Variants in PROB1 observed in about 807,000 individuals in gnomAD.
The protein encoded by PROB1 is proline rich basic protein 1, also known as proline-rich basic protein 1.
For missense variants in PROB1, 1,453 were observed against 1,485.7 expected (o/e 0.98, Z 0.36); for synonymous variants, 660 against 699.3 (o/e 0.94, Z 0.89).
In PROB1 at chr5:139,392,470, C is replaced by G; in HGVS notation, c.2612G>C (p.Arg871Pro). ...CAGGGGCGCGGCCCCGGGCTGCCTG[C>G]GCGCTCCCTGGGAGGGGCTTTGCGG... ...RSPQSPSQGA[R>P]RQPGAAPLGK... The change falls in exon 1 of 1, where the codon CGC becomes CCC. Residue 871 changes from arginine to proline, a missense_variant. Physicochemically the swap from Arg to Pro is moderately radical, Grantham distance 103 (BLOSUM62 -2). Coordinates refer to ENST00000434752, the MANE Select transcript of PROB1 (RefSeq NM_001161546.2). The surrounding 1 kb of genome is among the most constrained non-coding windows in gnomAD (Gnocchi z 5.8). 7.2e-7 allele frequency: 1 copy of G among 1,390,864 alleles called. No homozygotes were observed. The highest frequency in any genetic ancestry group is 1.5e-5 in the African/African-American group (1 of 65,956). 86.2% of individuals were successfully genotyped at this position (1,390,864 alleles called of 1,614,324 possible).
chr5:139,392,357 C>T lies in PROB1; in HGVS notation c.2725G>A (p.Glu909Lys). 6.5e-7 allele frequency: 1 copy of T among 1,530,358 alleles called. No homozygotes were observed. Among genetic ancestry groups the T allele is most frequent in the Middle Eastern group, 1.7e-4 (1 of 5,930 alleles). The allele number at this position is 1,530,358 out of a possible 1,614,324, so 94.8% of individuals were successfully genotyped here. Reference sequence around the variant, plus strand: ...AACACCTCCACGTACTGCCCACTCTCAGGGTCGAAGAGCACCCGCAGCCGA... The same window carrying T: ...AACACCTCCACGTACTGCCCACTCTTAGGGTCGAAGAGCACCCGCAGCCGA... ...QPRLRVLFDP[E>K]SGQYVEVLLP... is the part of the protein sequence containing the mutation. Residue 909 changes from glutamate to lysine, a missense_variant, in exon 1 of 1, where the codon GAG becomes AAG. Glu to Lys is a moderately conservative substitution (Grantham distance 56). Transcript: ENST00000434752. The surrounding 1 kb of genome is among the most constrained non-coding windows in gnomAD (Gnocchi z 5.8).
chr5:139,393,295 CCCACAGGGTGG>C lies in PROB1; in HGVS notation c.1776_1786del (p.Ser592ArgfsTer7). On this transcript the variant is annotated frameshift_variant, in exon 1 of 1. Transcript: ENST00000434752. LOFTEE classifies it low-confidence loss of function (END_TRUNC). ...CGGGCACTTATCCGCGTCCAGGGTG[CCCACAGGGTGG>C]CTGCCGGGCGGCTCGGGTGCTGCTA... 6.5e-7 allele frequency: 1 copy of C among 1,550,330 alleles called. No homozygotes were observed. The highest frequency in any genetic ancestry group is 8.7e-7 in the Non-Finnish European group (1 of 1,146,964).
chr5:139,394,955 G>C lies in PROB1; in HGVS notation c.127C>G (p.Pro43Ala), dbSNP rs528525057. Residue 43 changes from proline (P) to alanine (A), a missense_variant, in exon 1 of 1, where the codon CCC becomes GCC. By Grantham distance (27) the Pro-to-Ala change is conservative (BLOSUM62 -1). Transcript: ENST00000434752. ...SYYTAPGSPE[P>A]PDVGPDAKGP... ...TTCGCGTCCGGCCCAACGTCCGGGGGCTCCGGAGAACCTGGAGCCGTGTAG... is the reference window on the plus strand; with the variant it reads ...TTCGCGTCCGGCCCAACGTCCGGGGCCTCCGGAGAACCTGGAGCCGTGTAG... 2,783 of 1,521,576 alleles carry C rather than the reference G, an allele frequency of 1.8e-3. 49 individuals carry two copies. In the African/African-American group the frequency reaches 0.034, roughly 19 times the overall value. The allele number at this position is 1,521,576 out of a possible 1,614,324, so 94.3% of individuals were successfully genotyped here. A position where few individuals can be genotyped will look rare whatever the true frequency, so the allele number is the denominator to read the frequency against.
In PROB1 at chr5:139,394,389, G is replaced by C. The variant is rs1446280634; in HGVS notation, c.693C>G (p.Leu231=). The C allele has an allele frequency of 1.4e-6, 2 of 1,396,448 alleles. No individual in the cohort carries two copies. Among genetic ancestry groups the C allele is most frequent in the Non-Finnish European group, 1.8e-6 (2 of 1,083,866 alleles). 86.5% of individuals were successfully genotyped at this position (1,396,448 alleles called of 1,614,324 possible). ...RAAGAPRPRL[L]LRTGSLDESL... is the part of the protein sequence containing the mutation. ...ACTCGTCCAGGGAACCGGTGCGCAG[G>C]AGCAGCCGGGGGCGCGGCGCGCCGG... Residue 231 remains leucine (L), a synonymous_variant, in exon 1 of 1, where the codon CTC becomes CTG. Transcript: ENST00000434752.
rs1445759023 is a variant in PROB1 at position 139,392,800 on chromosome 5, C to A, written c.2282G>T (p.Arg761Met). 6.7e-6 allele frequency: 10 copies of A among 1,490,806 alleles called. No individual in the cohort carries two copies. The highest frequency in any genetic ancestry group is 6.6e-5 in the South Asian group (5 of 75,730). The allele number at this position is 1,490,806 out of a possible 1,614,324, so 92.3% of individuals were successfully genotyped here. A position where few individuals can be genotyped will look rare whatever the true frequency, so the allele number is the denominator to read the frequency against. ...VRARGPGGEN[R>M]DVEAQRLVPD... ...GACCAGGCGCTGGGCCTCTACATCC[C>A]TGTTCTCTCCTCCAGGGCCGCGCGC... Residue 761 changes from arginine to methionine, a missense_variant, in exon 1 of 1, where the codon AGG becomes ATG. Arg to Met is a moderately conservative substitution (Grantham distance 91, BLOSUM62 -1). Coordinates refer to ENST00000434752, the MANE Select transcript of PROB1 (RefSeq NM_001161546.2). The surrounding 1 kb of genome is among the most constrained non-coding windows in gnomAD (Gnocchi z 5.8).
rs1302794423 is a variant in PROB1, at chr5:139,394,023, C to A, written c.1059G>T (p.Ala353=). The change falls in exon 1 of 1, where the codon GCG becomes GCT. Residue 353 remains alanine (A), a synonymous_variant. Coordinates refer to ENST00000434752, the MANE Select transcript of PROB1 (RefSeq NM_001161546.2). ...FLQSEEKIQE[A]RKTRFPREAP... The stretch of plus-strand genomic sequence containing the variant: ...CCTCTCGCGGGAACCGAGTCTTCCG[C>A]GCCTCCTGGATCTTCTCCTCTGACT... 6.4e-7 allele frequency: 1 copy of A among 1,550,704 alleles called. No homozygotes were observed. The highest frequency in any genetic ancestry group is 8.7e-7 in the Non-Finnish European group (1 of 1,147,006).
chr5:139,394,771 C>G lies in PROB1; in HGVS notation c.311G>C (p.Arg104Pro), dbSNP rs1335757073. The G allele has an allele frequency of 2.0e-6, 3 of 1,531,844 alleles. No individual in the cohort carries two copies. Among genetic ancestry groups the G allele is most frequent in the East Asian group, 5.1e-5 (2 of 39,602 alleles). 94.9% of individuals were successfully genotyped at this position (1,531,844 alleles called of 1,614,324 possible). Residue 104 changes from arginine to proline, a missense_variant, in exon 1 of 1, where the codon CGC (arginine) becomes CCC (proline). Coordinates refer to ENST00000434752, the MANE Select transcript of PROB1 (RefSeq NM_001161546.2). ...TTCCATCTCCCCCGACGGCAGCGTG[C>G]GCAGCTGGGGCTGGGGTGGCCGTGG... ...SGPRPPQPQL[R>P]TLPSGEMEVI...
Position 139,391,931 on chromosome 5 carries a change from G to T in PROB1, c.*103C>A. 1.1e-6 allele frequency: 1 copy of T among 934,852 alleles called. No individual in the cohort carries two copies. The highest frequency in any genetic ancestry group is 1.4e-6 in the Non-Finnish European group (1 of 703,090). The allele number at this position is 934,852 out of a possible 1,614,324, so 57.9% of individuals were successfully genotyped here. On this transcript the variant is annotated 3_prime_UTR_variant, in exon 1 of 1. Transcript: ENST00000434752. This position sits in a 1 kb window ranked among gnomAD's most constrained non-coding sequence, Gnocchi z 4.8. ...TCCTGTCCGACGACTGACTGGGATGGGTTAAAGACAGAGGCGACGGAAGGA... is the reference window on the plus strand; with the variant it reads ...TCCTGTCCGACGACTGACTGGGATGTGTTAAAGACAGAGGCGACGGAAGGA...
chr5:139,394,229 C>G lies in PROB1; in HGVS notation c.853G>C (p.Ala285Pro). The G allele has an allele frequency of 6.5e-7, 1 of 1,548,678 alleles. No individual in the cohort carries two copies. The highest frequency in any genetic ancestry group is 8.7e-7 in the Non-Finnish European group (1 of 1,145,488). Residue 285 changes from alanine to proline, a missense_variant, in exon 1 of 1, where the codon GCC (alanine) becomes CCC (proline). Transcript: ENST00000434752. Reference sequence around the variant, plus strand: ...TCCAGGACCACGTGGGTGCTGCGGGCCGTTTCCCGGGTCTCAGGTTCCGAC... The same window carrying G: ...TCCAGGACCACGTGGGTGCTGCGGGGCGTTTCCCGGGTCTCAGGTTCCGAC... ...GRSEPETRET[A>P]RSTHVVLEKA...
Position 139,392,939 on chromosome 5 carries a change from C to G in PROB1, c.2143G>C (p.Val715Leu). ...VARDASQPNGVLRRRAENSTA... is the reference protein window; with the variant it reads ...VARDASQPNGLLRRRAENSTA... ...CTGTTCTCTGCCCTCCGCCGCAGGACCCCGTTGGGCTGTGAGGCGTCCCGG... is the reference window on the plus strand; with the variant it reads ...CTGTTCTCTGCCCTCCGCCGCAGGAGCCCGTTGGGCTGTGAGGCGTCCCGG... The change falls in exon 1 of 1, where the codon GTC (valine) becomes CTC (leucine). Residue 715 changes from valine to leucine, a missense_variant. Transcript: ENST00000434752. This position sits in a 1 kb window ranked among gnomAD's most constrained non-coding sequence, Gnocchi z 5.8. 6.6e-7 allele frequency: 1 copy of G among 1,516,432 alleles called. No homozygotes were observed. The highest frequency in any genetic ancestry group is 8.9e-7 in the Non-Finnish European group (1 of 1,127,760). 93.9% of individuals were successfully genotyped at this position (1,516,432 alleles called of 1,614,324 possible).
Position 139,394,541 on chromosome 5 carries a change from C to T in PROB1, c.541G>A (p.Ala181Thr). 2.7e-6 allele frequency: 4 copies of T among 1,488,204 alleles called. No individual in the cohort carries two copies. The highest frequency in any genetic ancestry group is 3.6e-6 in the Non-Finnish European group (4 of 1,126,592). The allele number at this position is 1,488,204 out of a possible 1,614,324, so 92.2% of individuals were successfully genotyped here. A position where few individuals can be genotyped will look rare whatever the true frequency, so the allele number is the denominator to read the frequency against. Residue 181 changes from alanine to threonine, a missense_variant, in exon 1 of 1, where the codon GCC becomes ACC. Physicochemically the swap from Ala to Thr is moderately conservative, Grantham distance 58 (BLOSUM62 0). Coordinates refer to ENST00000434752, the MANE Select transcript of PROB1 (RefSeq NM_001161546.2). ...ACACACTCGAACTGCGCTGGGGCGGCAGGACTTGGCCCACGGGGCCGCAGC... is the reference window on the plus strand; with the variant it reads ...ACACACTCGAACTGCGCTGGGGCGGTAGGACTTGGCCCACGGGGCCGCAGC... ...LELRPRGPSPAAPAQFECVEV... is the reference protein window; with the variant it reads ...LELRPRGPSPTAPAQFECVEV...
Position 139,392,970 on chromosome 5 carries a change from C to A in PROB1, c.2112G>T (p.Thr704=). 1 of 1,504,540 alleles carries A rather than the reference C, an allele frequency of 6.6e-7. No individual in the cohort carries two copies. Among genetic ancestry groups the A allele is most frequent in the Non-Finnish European group, 8.9e-7 (1 of 1,123,220 alleles). The allele number at this position is 1,504,540 out of a possible 1,614,324, so 93.2% of individuals were successfully genotyped here. A position where few individuals can be genotyped will look rare whatever the true frequency, so the allele number is the denominator to read the frequency against. The stretch of plus-strand genomic sequence containing the variant: ...TGGGCTGTGAGGCGTCCCGGGCGAC[C>A]GTGTCGAAGGACGGTTCAGGAGGCT... ...PYEPPEPSFD[T]VARDASQPNG... Residue 704 remains threonine (T), a synonymous_variant, in exon 1 of 1, where the codon ACG becomes ACT. Coordinates refer to ENST00000434752, the MANE Select transcript of PROB1 (RefSeq NM_001161546.2). The surrounding 1 kb of genome is among the most constrained non-coding windows in gnomAD (Gnocchi z 5.8).
chr5:139,392,874 A>C lies in PROB1; in HGVS notation c.2208T>G (p.Pro736=). 1 of 1,544,392 alleles carries C rather than the reference A, an allele frequency of 6.5e-7. No individual in the cohort carries two copies. Among genetic ancestry groups the C allele is most frequent in the Middle Eastern group, 1.7e-4 (1 of 5,964 alleles). The part of the protein sequence containing the change: ...KPFKRTEIRL[P]GALALGRRPE... ...GCCGGCGACCCAAGGCCAGGGCCCC[A>C]GGCAGGCGGATCTCTGTGCGCTTGA... The change falls in exon 1 of 1, where the codon CCT becomes CCG. Residue 736 remains proline (P), a synonymous_variant. Transcript: ENST00000434752. This position sits in a 1 kb window ranked among gnomAD's most constrained non-coding sequence, Gnocchi z 5.8.
chr5:139,393,614 C>A lies in PROB1; in HGVS notation c.1468G>T (p.Val490Leu). 6.4e-7 allele frequency: 1 copy of A among 1,550,756 alleles called. No homozygotes were observed. The highest frequency in any genetic ancestry group is 8.7e-7 in the Non-Finnish European group (1 of 1,146,888). ...GGGGACGGGCTGCTACGTGGCTCCA[C>A]CGCATCCGCGACTGCCGAATGTGGA... ...EIPHSAVADA[V>L]EPRSSPSPPA... The change falls in exon 1 of 1, where the codon GTG becomes TTG. Residue 490 changes from valine (V) to leucine (L), a missense_variant. By Grantham distance (32) the Val-to-Leu change is conservative (BLOSUM62 1). Coordinates refer to ENST00000434752, the MANE Select transcript of PROB1 (RefSeq NM_001161546.2).
Position 139,392,030 on chromosome 5 carries a change from G to A in PROB1, c.*4C>T, listed in dbSNP as rs906243149. 2.9e-6 allele frequency: 4 copies of A among 1,394,052 alleles called. No individual in the cohort carries two copies. Among genetic ancestry groups the A allele is most frequent in the South Asian group, 1.7e-5 (1 of 60,356 alleles). 86.4% of individuals were successfully genotyped at this position (1,394,052 alleles called of 1,614,324 possible). On this transcript the variant is annotated 3_prime_UTR_variant, in exon 1 of 1. Coordinates refer to ENST00000434752, the MANE Select transcript of PROB1 (RefSeq NM_001161546.2). This position sits in a 1 kb window ranked among gnomAD's most constrained non-coding sequence, Gnocchi z 5.8. Reference sequence around the variant, plus strand: ...TCCAACTCCATGGGGATCGGCCCGGGGCCTCACAGCGGGAACAATGAACCC... The same window carrying A: ...TCCAACTCCATGGGGATCGGCCCGGAGCCTCACAGCGGGAACAATGAACCC...
Position 139,394,166 on chromosome 5 carries a change from A to G in PROB1, c.916T>C (p.Ser306Pro). 1 of 1,546,336 alleles carries G rather than the reference A, an allele frequency of 6.5e-7. No individual in the cohort carries two copies. Among genetic ancestry groups the G allele is most frequent in the African/African-American group, 1.4e-5 (1 of 72,934 alleles). The change falls in exon 1 of 1, where the codon TCG becomes CCG. Residue 306 changes from serine (S) to proline (P), a missense_variant. Physicochemically the swap from Ser to Pro is moderately conservative, Grantham distance 74. Coordinates refer to ENST00000434752, the MANE Select transcript of PROB1 (RefSeq NM_001161546.2). ...KSRPLRVRDNSAPAKAPRPWP... is the reference protein window; with the variant it reads ...KSRPLRVRDNPAPAKAPRPWP... ...GGCCTCGGGGCCTTGGCGGGGGCCG[A>G]ATTATCTCGTACGCGAAGTGGCCGA... is the stretch of plus-strand genomic sequence containing the variant.
rs948293330 is a variant in PROB1 at position 139,392,493 on chromosome 5, C to A, written c.2589G>T (p.Pro863=). The A allele has an allele frequency of 1.5e-6, 2 of 1,360,972 alleles. No homozygotes were observed. The highest frequency in any genetic ancestry group is 1.9e-6 in the Non-Finnish European group (2 of 1,061,528). 84.3% of individuals were successfully genotyped at this position (1,360,972 alleles called of 1,614,324 possible). The change falls in exon 1 of 1, where the codon CCG becomes CCT. Residue 863 remains proline, a synonymous_variant. Transcript: ENST00000434752. This position sits in a 1 kb window ranked among gnomAD's most constrained non-coding sequence, Gnocchi z 5.8. ...AASAPPTDRS[P]QSPSQGARRQ... is the part of the protein sequence containing the mutation. ...TGCGCGCTCCCTGGGAGGGGCTTTG[C>A]GGGGACCGGTCCGTGGGAGGCGCCG...
At position 139,392,857 on chromosome 5, in the gene PROB1, C is replaced by A; in HGVS notation, c.2225G>T (p.Gly742Val). 1 of 1,542,868 alleles carries A rather than the reference C, an allele frequency of 6.5e-7. No homozygotes were observed. Among genetic ancestry groups the A allele is most frequent in the Non-Finnish European group, 8.7e-7 (1 of 1,142,864 alleles). ...EIRLPGALALGRRPEVTSRVR... is the reference protein window; with the variant it reads ...EIRLPGALALVRRPEVTSRVR... ...TCGCGAGGTTACCTCGGGCCGGCGACCCAAGGCCAGGGCCCCAGGCAGGCG... is the reference window on the plus strand; with the variant it reads ...TCGCGAGGTTACCTCGGGCCGGCGAACCAAGGCCAGGGCCCCAGGCAGGCG... Residue 742 changes from glycine (G) to valine (V), a missense_variant, in exon 1 of 1, where the codon GGT (glycine) becomes GTT (valine). Gly to Val is a moderately radical substitution (Grantham distance 109, BLOSUM62 -3). Coordinates refer to ENST00000434752, the MANE Select transcript of PROB1 (RefSeq NM_001161546.2). This position sits in a 1 kb window ranked among gnomAD's most constrained non-coding sequence, Gnocchi z 5.8.
rs1187855726 is a variant in PROB1 at position 139,394,397 on chromosome 5, G to T, written c.685C>A (p.Arg229=). The T allele has an allele frequency of 7.2e-7, 1 of 1,391,640 alleles. No homozygotes were observed. Among genetic ancestry groups the T allele is most frequent in the Non-Finnish European group, 9.2e-7 (1 of 1,081,150 alleles). 86.2% of individuals were successfully genotyped at this position (1,391,640 alleles called of 1,614,324 possible). A position where few individuals can be genotyped will look rare whatever the true frequency, so the allele number is the denominator to read the frequency against. ...PPRAAGAPRP[R]LLLRTGSLDE... is the part of the protein sequence containing the mutation. The stretch of plus-strand genomic sequence containing the variant: ...AGGGAACCGGTGCGCAGGAGCAGCC[G>T]GGGGCGCGGCGCGCCGGCCGCCCTT... Residue 229 remains arginine (R), a synonymous_variant, in exon 1 of 1, where the codon CGG becomes AGG. Transcript: ENST00000434752.
Sources: gnomAD v4.1 joint callset for allele counts on GRCh38, gnomAD v4.1.1 for gene constraint, Gnocchi (gnomAD v3.1) non-coding constraint, MANE v1.5 for transcripts, NCBI Gene and HGNC (gene_info 2026-07-23, HGNC 2026-07-21) for gene names.